Variants in DTWD2 observed in about 807,000 individuals in gnomAD.
DTWD2 encodes DTW motif tRNA-uridine aminocarboxypropyltransferase 2.
Under a neutral mutation model 31.8 loss-of-function variants are expected in DTWD2, and 39 were observed. That is an observed-to-expected ratio of 1.22 (90% CI 0.95 to 1.60). DTWD2 has a LOEUF of 1.60. Among genes scored for constraint, DTWD2 ranks in the 40% most tolerant of loss-of-function variants. The pLI is 0.00. For synonymous variants in DTWD2, 180 were observed against 142.8 expected, an observed-to-expected ratio of 1.26 and a Z score of -1.86; for missense variants, 515 against 381.5, an observed-to-expected ratio of 1.35 and a Z score of -2.92.
intron 5 of DTWD2, among the ~76,000 whole-genome samples, chr5:118,846,924 A>G (rs1333954785): frequency 6.8e-5 from 4 of 58,638 alleles, no homozygotes; most frequent in Non-Finnish European, 8.9e-5. Context: ...ACACAGGCAC[A>G]CACACACACA....
chr5:118,874,861 A>G (rs1752586827), intron 4 of DTWD2, among the ~76,000 whole-genome samples: 1 of 152,142 alleles, frequency 6.6e-6, no homozygotes, highest in Non-Finnish European at 1.5e-5. Context: ...AAATGCAGAG[A>G]GCCCCAGTAA....
At chr5:118,886,918 A>G (rs979188924) in intron 4 of DTWD2, among the ~76,000 whole-genome samples, 2 of 152,178 alleles carry the variant, frequency 1.3e-5, no homozygotes, top group African/African-American at 2.4e-5. Context: ...TAATTTTATA[A>G]GGGTAGAAAA....
intron 4 of DTWD2, among the ~76,000 whole-genome samples, chr5:118,885,702 G>A (rs1005912551): frequency 6.7e-5 from 10 of 150,128 alleles, no homozygotes; most frequent in African/African-American, 2.5e-4. Context: ...GGAGGCAGAG[G>A]TTATAGTGAG....
rs187893623 is a variant in DTWD2, at chr5:118,955,586, A to G, written c.219-10937T>C. Among the ~76,000 whole-genome samples, 674 of 152,338 alleles carry G rather than the reference A, an allele frequency of 4.4e-3. 5 individuals are homozygous for G. Among genetic ancestry groups the G allele is most frequent in the Non-Finnish European group, 7.2e-3 (488 of 68,030 alleles). On this transcript the variant is annotated intron_variant, in intron 1 of 5. Coordinates refer to ENST00000510708, the MANE Select transcript of DTWD2 (RefSeq NM_173666.4). Reference sequence around the variant, plus strand: ...AGGCACTTGGGACAATAAAAAGAACAAAGATTCCTACCCTCATGGAGCTTA... The same window carrying G: ...AGGCACTTGGGACAATAAAAAGAACGAAGATTCCTACCCTCATGGAGCTTA...
chr5:118,845,809 T>C (rs1016700546), intron 5 of DTWD2, among the ~76,000 whole-genome samples: 2 of 152,238 alleles, frequency 1.3e-5, no homozygotes, highest in Non-Finnish European at 2.9e-5. Context: ...ACTCAGAATG[T>C]ATTTTGCAAG....
intron 1 of DTWD2, among the ~76,000 whole-genome samples, chr5:118,981,862 TTTAGA>T (rs1351887509): frequency 6.6e-6 from 1 of 152,218 alleles, no homozygotes; most frequent in Non-Finnish European, 1.5e-5. Context: ...GAAAAGAATC[TTTAGA>T]TTAGAAGAAG....
intron 4 of DTWD2, among the ~76,000 whole-genome samples, chr5:118,918,334 A>T (rs571545407): frequency 0.014 from 2,033 of 149,304 alleles, 22 homozygotes; most frequent in South Asian, 0.038. Context: ...GTTTTTTTTT[A>T]TTTTTTTTTT....
chr5:118,984,788 G>C (rs1369276075), intron 1 of DTWD2, among the ~76,000 whole-genome samples: 3 of 152,062 alleles, frequency 2.0e-5, no homozygotes, highest in African/African-American at 7.2e-5. Flanking sequence ...TGATTTGCAA[G>C]TGGTTTATGA....
At chr5:118,955,050 G>C (rs1189964048) in intron 1 of DTWD2, among the ~76,000 whole-genome samples, 1 of 151,924 alleles carries the variant, frequency 6.6e-6, no homozygotes, top group Non-Finnish European at 1.5e-5. Flanking sequence ...GCACATAAAA[G>C]ACAAAAATAT....
intron 4 of DTWD2, among the ~76,000 whole-genome samples, chr5:118,858,086 G>A (rs1234330310): frequency 2.6e-5 from 4 of 151,894 alleles, no homozygotes; most frequent in Non-Finnish European, 4.4e-5. Context: ...GGAGCAATAA[G>A]CTTATTGTTA....
chr5:118,981,200 A>T (rs981747325), intron 1 of DTWD2, among the ~76,000 whole-genome samples: 6 of 152,220 alleles, frequency 3.9e-5, no homozygotes, highest in Non-Finnish European at 7.3e-5. Context: ...AGGGAAAAAT[A>T]GGAAATTACA....
intron 4 of DTWD2, among the ~76,000 whole-genome samples, chr5:118,874,473 G>A (rs4895356): frequency 0.13 from 19,819 of 152,180 alleles, 1,640 homozygotes; most frequent in Non-Finnish European, 0.19. Context: ...ATAACACAAT[G>A]CAGGTGCTGA....
At position 118,884,992 on chromosome 5, in the gene DTWD2, T is replaced by C. The variant is rs190264713; in HGVS notation, c.598-36774A>G. Among the ~76,000 whole-genome samples the C allele has an allele frequency of 8.5e-3, 660 of 77,528 alleles. 7 individuals are homozygous for C. Among genetic ancestry groups the C allele is most frequent in the African/African-American group, 0.049 (620 of 12,556 alleles). The allele number at this position is 77,528 out of a possible 152,430, so 50.9% of individuals were successfully genotyped here. A position where few individuals can be genotyped will look rare whatever the true frequency, so the allele number is the denominator to read the frequency against. ...GTCTGGGGGACAGAGTGAGACTCCA[T>C]CTCCAAAAAAAAAAAAAAAAAAAAA... On this transcript the variant is annotated intron_variant, in intron 4 of 5. Coordinates refer to ENST00000510708, the MANE Select transcript of DTWD2 (RefSeq NM_173666.4).
At chr5:118,965,061 G>A (rs1754802601) in intron 1 of DTWD2, among the ~76,000 whole-genome samples, 2 of 151,582 alleles carry the variant, frequency 1.3e-5, no homozygotes, top group Non-Finnish European at 1.5e-5. Context: ...CGCCCCGTCT[G>A]GGATGTGAGG....
At chr5:118,955,012 T>C (rs1009111102) in intron 1 of DTWD2, among the ~76,000 whole-genome samples, 2 of 152,208 alleles carry the variant, frequency 1.3e-5, no homozygotes, top group African/African-American at 4.8e-5. Context: ...TCCTTTATTA[T>C]ATTTTGTGAT....
At chr5:118,921,866 A>G (rs1753712088) in intron 4 of DTWD2, among the ~76,000 whole-genome samples, 1 of 152,224 alleles carries the variant, frequency 6.6e-6, no homozygotes, top group Non-Finnish European at 1.5e-5. Flanking sequence ...GTGTTTGGCA[A>G]TAGATCAGAT....
chr5:118,982,011 C>T (rs1042210914), intron 1 of DTWD2, among the ~76,000 whole-genome samples: 8 of 152,108 alleles, frequency 5.3e-5, no homozygotes, highest in African/African-American at 1.7e-4. Context: ...GCTAAAGCAG[C>T]TCTGCCTCTT....
intron 2 of DTWD2, among the ~76,000 whole-genome samples, chr5:118,943,952 T>C (rs780990561): frequency 1.3e-5 from 2 of 152,218 alleles, no homozygotes; most frequent in African/African-American, 4.8e-5. Context: ...ATAGTATGCA[T>C]TGAGTAGCTT....
chr5:118,940,005 T>C (rs1196324152), intron 2 of DTWD2, among the ~76,000 whole-genome samples: 1 of 152,234 alleles, frequency 6.6e-6, no homozygotes, highest in Non-Finnish European at 1.5e-5. Context: ...TCCCCCCTCC[T>C]GAAGGTGGAA....
Sources: allele counts gnomAD v4.1 joint callset (sites outside exome capture counted in the v4.1 genomes callset), GRCh38; gene constraint gnomAD v4.1.1; transcripts MANE v1.5; gene names NCBI Gene and HGNC (gene_info 2026-07-23, HGNC 2026-07-21).